The following KCNC2 variants were observed in gnomAD, a reference collection of about 807,000 sequenced individuals.
KCNC2 encodes the protein voltage-gated potassium channel KCNC2.
In KCNC2, 21 loss-of-function variants were observed where a neutral mutation model predicts 44.5. The ratio of observed to expected loss-of-function variants is 0.47; its 90% CI spans 0.33 to 0.68. KCNC2 has a LOEUF of 0.68. Among genes scored for constraint, KCNC2 ranks in the 30% least tolerant of loss-of-function variants. The pLI is 0.01. For synonymous variants in KCNC2, 391 were observed against 339.1 expected, an observed-to-expected ratio of 1.15 and a Z score of -1.68; for missense variants, 589 against 826.2, an observed-to-expected ratio of 0.71 and a Z score of 3.52.
intron 2 of KCNC2, among the ~76,000 whole-genome samples, chr12:75,110,507 C>T (rs1474105413): frequency 6.6e-6 from 1 of 152,032 alleles, no homozygotes; most frequent in East Asian, 1.9e-4. Flanking sequence ...CCACATGTTT[C>T]CACCTAAGAA....
At chr12:75,155,892 A>G (rs1346623221) in intron 2 of KCNC2, among the ~76,000 whole-genome samples, 1 of 151,872 alleles carries the variant, frequency 6.6e-6, no homozygotes, top group Admixed American at 6.6e-5. Context: ...ACAATTTGAA[A>G]TCCCAAAGAA....
At chr12:75,184,697 G>A (rs891547464) in intron 2 of KCNC2, among the ~76,000 whole-genome samples, 2 of 152,092 alleles carry the variant, frequency 1.3e-5, no homozygotes, top group African/African-American at 2.4e-5. Flanking sequence ...GAAAGGTAGG[G>A]TTCACCAAGC....
intron 2 of KCNC2, among the ~76,000 whole-genome samples, chr12:75,083,180 A>C (rs1325072337): frequency 6.6e-6 from 1 of 151,670 alleles, no homozygotes; most frequent in Non-Finnish European, 1.5e-5. Context: ...AAATACAAAA[A>C]ATAAAGATCA....
intron 3 of KCNC2, among the ~76,000 whole-genome samples, chr12:75,049,949 A>G (rs1004943079): frequency 2.0e-5 from 3 of 152,070 alleles, no homozygotes; most frequent in African/African-American, 7.2e-5. Flanking sequence ...CTTCTTGTGA[A>G]TTAGGTTGAG....
At chr12:75,086,301 A>T (rs1884987086) in intron 2 of KCNC2, among the ~76,000 whole-genome samples, 1 of 152,016 alleles carries the variant, frequency 6.6e-6, no homozygotes. Flanking sequence ...GTTCAACCAC[A>T]AATGGTTCCT....
At position 75,207,378 on chromosome 12, in the gene KCNC2, G is replaced by C. The variant is rs199945851; in HGVS notation, c.606C>G (p.Asp202Glu). The C allele has an allele frequency of 1.3e-6, 2 of 1,580,008 alleles. No homozygotes were observed. The highest frequency in any genetic ancestry group is 1.8e-5 in the Admixed American group (1 of 54,126). The change falls in exon 2 of 5, where the codon GAC becomes GAG. Residue 202 changes from aspartate (D) to glutamate (E), a missense_variant. By Grantham distance (45) the Asp-to-Glu change is conservative. Coordinates refer to ENST00000549446, the MANE Select transcript of KCNC2 (RefSeq NM_139137.4). This position sits in a 1 kb window ranked among gnomAD's most constrained non-coding sequence, Gnocchi z 4.1. ...GCCTCCTCCAGCGGCCAGATTTGCC[G>C]TCGGGGCCCCCGAGCCCCGCCGCGT... ...IEDAAGLGGPDGKSGRWRRLQ... is the reference protein window; with the variant it reads ...IEDAAGLGGPEGKSGRWRRLQ...
intron 2 of KCNC2, among the ~76,000 whole-genome samples, chr12:75,155,386 A>G (rs1461037898): frequency 6.6e-6 from 1 of 151,814 alleles, no homozygotes. Flanking sequence ...TTTTTTCCCC[A>G]AAAGTTAGTC....
intron 2 of KCNC2, among the ~76,000 whole-genome samples, chr12:75,205,939 A>G (rs1158664928): frequency 2.0e-5 from 3 of 148,290 alleles, no homozygotes; most frequent in Admixed American, 6.9e-5. Flanking sequence ...TACTAATTCT[A>G]TGTTCAAATA....
chr12:75,200,577 C>T (rs1254664382), intron 2 of KCNC2, among the ~76,000 whole-genome samples: 2 of 151,784 alleles, frequency 1.3e-5, no homozygotes, highest in East Asian at 3.9e-4. Context: ...TGTATTACAA[C>T]AGTGAATATA....
chr12:75,207,158 G>T lies in KCNC2; in HGVS notation c.687+139C>A. The T allele has an allele frequency of 7.1e-7, 1 of 1,416,558 alleles. No homozygotes were observed. Among genetic ancestry groups the T allele is most frequent in the Non-Finnish European group, 9.3e-7 (1 of 1,077,466 alleles). 87.7% of individuals were successfully genotyped at this position (1,416,558 alleles called of 1,614,324 possible). A position where few individuals can be genotyped will look rare whatever the true frequency, so the allele number is the denominator to read the frequency against. On this transcript the variant is annotated intron_variant, in intron 2 of 4. Transcript: ENST00000549446. The surrounding 1 kb of genome is among the most constrained non-coding windows in gnomAD (Gnocchi z 4.1). The stretch of plus-strand genomic sequence containing the variant: ...CCTGGGTTTACCCTGCAAAGGATGA[G>T]CCTCTAACTGTATCGCTAGGAAATC...
chr12:75,175,238 C>T (rs974457120), intron 2 of KCNC2, among the ~76,000 whole-genome samples: 7 of 151,886 alleles, frequency 4.6e-5, no homozygotes, highest in African/African-American at 7.2e-5. Flanking sequence ...ACTGTGATTG[C>T]GGGTCTGCTT....
rs1015242161 is a variant in KCNC2, at chr12:75,084,109, G to A, written c.688-32792C>T. 5.3e-5 allele frequency among the ~76,000 whole-genome samples: 8 copies of A among 151,872 alleles called. 1 individual carries two copies. Among genetic ancestry groups the A allele is most frequent in the African/African-American group, 1.9e-4 (8 of 41,410 alleles). On this transcript the variant is annotated intron_variant, in intron 2 of 4. Transcript: ENST00000549446. ...TACTTCAAGTGTGTTCAAAAAGAAA[G>A]TTGAAAAATGTGGAGGTCAAGGAAA...
At chr12:75,046,581 T>C (rs1437842245) in intron 4 of KCNC2, among the ~76,000 whole-genome samples, 1 of 151,812 alleles carries the variant, frequency 6.6e-6, no homozygotes, top group African/African-American at 2.4e-5. Flanking sequence ...TGGAACAGCA[T>C]GTTCTATATA....
At chr12:75,088,979 A>G (rs1885254537) in intron 2 of KCNC2, among the ~76,000 whole-genome samples, 1 of 151,942 alleles carries the variant, frequency 6.6e-6, no homozygotes, top group African/African-American at 2.4e-5. Flanking sequence ...ATGATAATAT[A>G]AAGATCAAGT....
At chr12:75,141,176 C>A (rs1592955200) in intron 2 of KCNC2, among the ~76,000 whole-genome samples, 1 of 152,104 alleles carries the variant, frequency 6.6e-6, no homozygotes, top group African/African-American at 2.4e-5. Flanking sequence ...AGTTTTCTAA[C>A]CTGTCCCTCA....
chr12:75,194,907 C>T (rs1013295464), intron 2 of KCNC2, among the ~76,000 whole-genome samples: 1 of 152,116 alleles, frequency 6.6e-6, no homozygotes, highest in Non-Finnish European at 1.5e-5. Flanking sequence ...TCTGAAGTCA[C>T]CATCTTCCCA....
chr12:75,177,137 G>T (rs2137617765), intron 2 of KCNC2, among the ~76,000 whole-genome samples: 1 of 150,756 alleles, frequency 6.6e-6, no homozygotes, highest in African/African-American at 2.4e-5. Context: ...GTGTTAGTTT[G>T]CTAAGGCTGC....
At chr12:75,117,397 GT>G (rs1163730554) in intron 2 of KCNC2, among the ~76,000 whole-genome samples, 1 of 152,106 alleles carries the variant, frequency 6.6e-6, no homozygotes, top group Non-Finnish European at 1.5e-5. Context: ...TAAAACAACT[GT>G]CCCCCCAAAA....
intron 2 of KCNC2, among the ~76,000 whole-genome samples, chr12:75,141,818 A>G (rs1177599083): frequency 2.0e-5 from 3 of 152,188 alleles, no homozygotes; most frequent in African/African-American, 7.2e-5. Flanking sequence ...CATGCTTTGA[A>G]GCATCATCTA....
Sources: gnomAD v4.1 joint callset for allele counts (sites outside exome capture counted in the v4.1 genomes callset) on GRCh38, gnomAD v4.1.1 for gene constraint, Gnocchi (gnomAD v3.1) non-coding constraint, MANE v1.5 for transcripts, NCBI Gene and HGNC (gene_info 2026-07-23, HGNC 2026-07-21) for gene names.